SH3BGRL2: variants seen among roughly 807,000 people sequenced by gnomAD.
SH3BGRL2 encodes SH3 domain binding glutamate rich protein like 2.
SH3BGRL2 carries 21 observed loss-of-function variants against 14.8 expected under a neutral mutation model. The observed-to-expected ratio is 1.42, with a 90% CI of 1.01 to 2.05. The LOEUF (loss-of-function observed/expected upper bound fraction) is 2.05, where lower values mean the gene tolerates loss of function less well. SH3BGRL2 is among the 30% of genes most tolerant of loss of function. The pLI is 0.00. For missense variants in SH3BGRL2, 147 were observed against 130.8 expected, an observed-to-expected ratio of 1.12 and a Z score of -0.61; for synonymous variants, 50 against 47.8, an observed-to-expected ratio of 1.05 and a Z score of -0.19.
chr6:79,554,268 T>C, the SH3BGRL2 span, among the ~76,000 whole-genome samples: 2 of 152,232 alleles, frequency 1.3e-5, no homozygotes, highest in African/African-American at 4.8e-5. Context: ...GGTTATCTAA[T>C]GCGTTTAAAA....
the SH3BGRL2 span, among the ~76,000 whole-genome samples, chr6:79,537,876 G>C: frequency 6.6e-6 from 1 of 152,138 alleles, no homozygotes; most frequent in Non-Finnish European, 1.5e-5. Context: ...TGATTCAGGA[G>C]GATGCGGGGT....
At chr6:79,582,033 C>A in the SH3BGRL2 span, among the ~76,000 whole-genome samples, 2 of 152,116 alleles carry the variant, frequency 1.3e-5, no homozygotes, top group Non-Finnish European at 2.9e-5. Flanking sequence ...CTCCCATTCA[C>A]AACTGCCACT....
intron 1 of SH3BGRL2, among the ~76,000 whole-genome samples, chr6:79,645,545 C>T (rs1289498699): frequency 3.3e-5 from 5 of 152,136 alleles, no homozygotes; most frequent in Non-Finnish European, 5.9e-5. Context: ...ATTTTCCCAA[C>T]TCTGAGCCAT....
At chr6:79,692,226 A>G (rs934680217) in intron 2 of SH3BGRL2, among the ~76,000 whole-genome samples, 1 of 151,738 alleles carries the variant, frequency 6.6e-6, no homozygotes, top group African/African-American at 2.4e-5. Context: ...TTGTAAATTT[A>G]TTTGAGTTCA....
At chr6:79,669,452 C>CT (rs66477199) in intron 1 of SH3BGRL2, among the ~76,000 whole-genome samples, 56,471 of 122,736 alleles carry the variant, frequency 0.46, 13,377 homozygotes, top group South Asian at 0.64. Context: ...AATTTATATT[C>CT]TTTTTTTTTT....
upstream of SH3BGRL2, among the ~76,000 whole-genome samples, chr6:79,626,598 C>CA (rs1299529613): frequency 6.6e-6 from 1 of 152,166 alleles, no homozygotes; most frequent in Non-Finnish European, 1.5e-5. Context: ...TATTGGGTGC[C>CA]AAACCCTGGG....
chr6:79,631,156 G>A, upstream of SH3BGRL2: 1 of 326,012 alleles, frequency 3.1e-6, no homozygotes, highest in African/African-American at 2.1e-5. Flanking sequence ...GCGTGTTCGG[G>A]ATAGAAGCGC....
At chr6:79,645,720 A>G (rs530003692) in intron 1 of SH3BGRL2, among the ~76,000 whole-genome samples, 2 of 152,324 alleles carry the variant, frequency 1.3e-5, no homozygotes, top group South Asian at 4.1e-4. Context: ...AAGGAAGGAA[A>G]TAATAGTTTT....
At chr6:79,648,018 G>A (rs1769177259) in intron 1 of SH3BGRL2, among the ~76,000 whole-genome samples, 1 of 151,410 alleles carries the variant, frequency 6.6e-6, no homozygotes, top group Admixed American at 6.6e-5. Flanking sequence ...GGTTCTGAGA[G>A]ATAATTAACA....
At position 79,699,639 on chromosome 6, in the gene SH3BGRL2, AG is replaced by A; in HGVS notation, c.*132del. ...TCAGTAACTTTGCTTGCCACGGAAA[AG>A]GTGTTTTTGAAAGATGTGGCTATAA... On this transcript the variant is annotated 3_prime_UTR_variant, in exon 4 of 4. Coordinates refer to ENST00000369838, the MANE Select transcript of SH3BGRL2 (RefSeq NM_031469.4). The A allele has an allele frequency of 1.6e-6, 2 of 1,268,686 alleles. No individual in the cohort carries two copies. Among genetic ancestry groups the A allele is most frequent in the East Asian group, 2.5e-5 (1 of 40,340 alleles). 78.6% of individuals were successfully genotyped at this position (1,268,686 alleles called of 1,614,324 possible).
At chr6:79,646,113 G>A (rs1022932964) in intron 1 of SH3BGRL2, among the ~76,000 whole-genome samples, 4 of 152,174 alleles carry the variant, frequency 2.6e-5, no homozygotes, top group Non-Finnish European at 5.9e-5. Context: ...GGTGCTAGTA[G>A]CACCCTTCCT....
At chr6:79,675,970 C>T (rs979399262) in intron 2 of SH3BGRL2, among the ~76,000 whole-genome samples, 5 of 152,174 alleles carry the variant, frequency 3.3e-5, no homozygotes, top group South Asian at 2.1e-4. Context: ...CTAGAAGCTG[C>T]GTGTGTGTCT....
the SH3BGRL2 span, among the ~76,000 whole-genome samples, chr6:79,578,228 A>G: frequency 6.6e-6 from 1 of 152,254 alleles, no homozygotes; most frequent in Non-Finnish European, 1.5e-5. Context: ...ACTTCTGCAG[A>G]CTTAAATGTC....
intron 2 of SH3BGRL2, among the ~76,000 whole-genome samples, chr6:79,694,152 G>A (rs559323789): frequency 6.6e-6 from 1 of 152,282 alleles, no homozygotes; most frequent in Non-Finnish European, 1.5e-5. Flanking sequence ...ATTTTAATTA[G>A]GGCCATGGCT....
the SH3BGRL2 span, among the ~76,000 whole-genome samples, chr6:79,538,018 G>GTTTTTTTTTTTTTTT: frequency 9.7e-4 from 43 of 44,164 alleles, 5 homozygotes; most frequent in Non-Finnish European, 1.3e-3. Flanking sequence ...TTGCACACAA[G>GTTTTTTTTTTTTTTT]TTTTTTTTTT....
At chr6:79,687,412 T>G (rs1770118119) in intron 2 of SH3BGRL2, among the ~76,000 whole-genome samples, 1 of 152,214 alleles carries the variant, frequency 6.6e-6, no homozygotes, top group African/African-American at 2.4e-5. Flanking sequence ...CTTTGTTGTC[T>G]TGAACCTGTA....
chr6:79,623,977 A>C, the SH3BGRL2 span, among the ~76,000 whole-genome samples: 2 of 152,202 alleles, frequency 1.3e-5, no homozygotes, highest in Non-Finnish European at 2.9e-5. Flanking sequence ...ATAATGAGAA[A>C]TTATAACAAA....
the SH3BGRL2 span, among the ~76,000 whole-genome samples, chr6:79,604,623 C>T: frequency 6.6e-6 from 1 of 152,156 alleles, no homozygotes; most frequent in East Asian, 1.9e-4. Flanking sequence ...TTCAGGGCCC[C>T]AGTTGTGCAC....
At chr6:79,691,599 TGC>T (rs1770218205) in intron 2 of SH3BGRL2, among the ~76,000 whole-genome samples, 1 of 149,620 alleles carries the variant, frequency 6.7e-6, no homozygotes, top group Non-Finnish European at 1.5e-5. Context: ...AGTGAGAACA[TGC>T]AGTGTTTGGT....
Sources: gnomAD v4.1 joint callset for allele counts (sites outside exome capture counted in the v4.1 genomes callset) on GRCh38, gnomAD v4.1.1 for gene constraint, MANE v1.5 for transcripts, NCBI Gene and HGNC (gene_info 2026-07-23, HGNC 2026-07-21) for gene names.